PTK2: variants seen among roughly 807,000 people sequenced by gnomAD.
The protein encoded by PTK2 is protein tyrosine kinase 2.
A neutral mutation model predicts 150.1 loss-of-function variants in PTK2; 45 were observed. The observed-to-expected ratio is 0.30, with a 90% CI of 0.24 to 0.38. PTK2 has a LOEUF of 0.38. Ranked by LOEUF, PTK2 falls within the 10% of genes least tolerant of loss-of-function variation. PTK2 has a pLI of 1.00. For synonymous variants in PTK2, 432 were observed against 449.2 expected (o/e 0.96, Z 0.48); for missense variants, 919 against 1,307.3 (o/e 0.70, Z 4.58).
intron 21 of PTK2, among the ~76,000 whole-genome samples, chr8:140,736,857 A>G (rs2100052879): frequency 6.6e-6 from 1 of 152,210 alleles, no homozygotes; most frequent in East Asian, 1.9e-4. Flanking sequence ...TGTACAATTG[A>G]TGACTTGAAG....
chr8:140,759,506 TGGTGACAG>T (rs2100067969), intron 16 of PTK2, among the ~76,000 whole-genome samples: 1 of 130,128 alleles, frequency 7.7e-6, no homozygotes, highest in Non-Finnish European at 1.5e-5. Context: ...TGTACTCCCT[TGGTGACAG>T]AGTAAGACCC....
At chr8:140,941,057 A>G (rs1312989865) in intron 1 of PTK2, among the ~76,000 whole-genome samples, 1 of 152,210 alleles carries the variant, frequency 6.6e-6, no homozygotes, top group East Asian at 1.9e-4. Context: ...AATGAACACA[A>G]TATGAACAGC....
At chr8:140,837,916 G>A (rs1009502163) in intron 7 of PTK2, among the ~76,000 whole-genome samples, 4 of 151,980 alleles carry the variant, frequency 2.6e-5, no homozygotes, top group African/African-American at 9.7e-5. Flanking sequence ...AAAAAAATTA[G>A]CCGGGCACAG....
chr8:140,903,355 T>C (rs1471666002), intron 2 of PTK2, among the ~76,000 whole-genome samples: 3 of 152,114 alleles, frequency 2.0e-5, no homozygotes, highest in Admixed American at 6.6e-5. Context: ...TTGGTACCAG[T>C]ACCATAATAT....
rs997814926 is a variant in PTK2 at position 140,684,585 on chromosome 8, C to T, written c.2562+2047G>A. Reference sequence around the variant, plus strand: ...ACACCAACAACATCCAGTTGAGTGCCGAATCAAGAATGCAATCCCATTTAC... The same window carrying T: ...ACACCAACAACATCCAGTTGAGTGCTGAATCAAGAATGCAATCCCATTTAC... On this transcript the variant is annotated intron_variant, in intron 27 of 31. Transcript: ENST00000522684. 5.3e-5 allele frequency among the ~76,000 whole-genome samples: 8 copies of T among 152,256 alleles called. No individual in the cohort carries two copies. The South Asian group carries it at 6.2e-4, about 12-fold the overall frequency.
chr8:140,800,552 G>C lies in PTK2; in HGVS notation c.1000C>G (p.Leu334Val), dbSNP rs1171090967. The C allele has an allele frequency of 2.5e-6, 4 of 1,613,698 alleles. No individual in the cohort carries two copies. The African/African-American group carries it at 4.0e-5, about 16-fold the overall frequency. The change falls in exon 12 of 32, where the codon CTA becomes GTA. Residue 334 changes from leucine (L) to valine (V), a missense_variant. Leu to Val is a conservative substitution (Grantham distance 32, BLOSUM62 1). Coordinates refer to ENST00000522684, the Ensembl canonical transcript of PTK2. ...TCAGCCATATTCTCCGCAATGGTTAGGGATGGTGCCGTCACTGTCAGAGGC... is the reference window on the plus strand; with the variant it reads ...TCAGCCATATTCTCCGCAATGGTTACGGATGGTGCCGTCACTGTCAGAGGC...
chr8:140,753,554 C>CA (rs1336004688), intron 16 of PTK2, among the ~76,000 whole-genome samples: 8 of 152,108 alleles, frequency 5.3e-5, no homozygotes, highest in Non-Finnish European at 8.8e-5. Context: ...TGAAGCTCTC[C>CA]AACATGAAGA....
At chr8:140,920,498 C>T (rs2100166995) in intron 2 of PTK2, among the ~76,000 whole-genome samples, 1 of 151,870 alleles carries the variant, frequency 6.6e-6, no homozygotes, top group Non-Finnish European at 1.5e-5. Flanking sequence ...CTCTTTATTC[C>T]TTAAAAACTT....
chr8:140,927,028 C>G (rs1003146611), intron 1 of PTK2, among the ~76,000 whole-genome samples: 1 of 152,250 alleles, frequency 6.6e-6, no homozygotes, highest in South Asian at 2.1e-4. Flanking sequence ...TTCTTAAAGG[C>G]TCCTGAAATC....
chr8:140,921,542 GATCT>G (rs1187452379), intron 2 of PTK2, among the ~76,000 whole-genome samples: 4 of 152,070 alleles, frequency 2.6e-5, no homozygotes, highest in Non-Finnish European at 1.5e-5. Flanking sequence ...AAAAATTCCT[GATCT>G]ATCTATGTCT....
At chr8:140,974,994 T>G (rs1018084637) in intron 1 of PTK2, among the ~76,000 whole-genome samples, 1 of 152,230 alleles carries the variant, frequency 6.6e-6, no homozygotes, top group African/African-American at 2.4e-5. Flanking sequence ...TAGTCACGCC[T>G]GTAGATGAAC....
intron 14 of PTK2, among the ~76,000 whole-genome samples, chr8:140,767,132 A>C (rs915444717): frequency 6.6e-6 from 1 of 152,222 alleles, no homozygotes; most frequent in African/African-American, 2.4e-5. Context: ...CCAACCTCTA[A>C]AATAATTGTG....
At chr8:140,830,912 A>T (rs1448491691) in intron 7 of PTK2, among the ~76,000 whole-genome samples, 1 of 152,156 alleles carries the variant, frequency 6.6e-6, no homozygotes, top group East Asian at 1.9e-4. Flanking sequence ...ATTTGTAGAG[A>T]AAATAGCTAG....
chr8:140,745,580 A>T (rs528086091), intron 18 of PTK2, among the ~76,000 whole-genome samples: 3 of 152,334 alleles, frequency 2.0e-5, no homozygotes, highest in African/African-American at 7.2e-5. Flanking sequence ...CCAGTGTTTG[A>T]TTCAGCAGGC....
At chr8:140,913,196 T>C (rs1449056348) in intron 2 of PTK2, among the ~76,000 whole-genome samples, 1 of 152,080 alleles carries the variant, frequency 6.6e-6, no homozygotes, top group Non-Finnish European at 1.5e-5. Context: ...TTTTCTATAC[T>C]CAGATCACCA....
intron 10 of PTK2, among the ~76,000 whole-genome samples, chr8:140,817,727 A>T (rs2100105609): frequency 6.6e-6 from 1 of 152,184 alleles, no homozygotes; most frequent in Admixed American, 6.5e-5. Context: ...GGTTCTCAAT[A>T]ATACTTGTTG....
At chr8:140,732,725 C>T (rs550992179) in intron 22 of PTK2, 8 of 351,712 alleles carry the variant, frequency 2.3e-5, no homozygotes, top group African/African-American at 6.8e-5. Flanking sequence ...CAGTGTTTAT[C>T]GAACTGAATT....
chr8:140,676,523 A>G (rs1287061030), intron 27 of PTK2, among the ~76,000 whole-genome samples: 10 of 151,024 alleles, frequency 6.6e-5, no homozygotes, highest in African/African-American at 2.4e-4. Flanking sequence ...GCATGTTCTC[A>G]TAAGTTGGAG....
intron 7 of PTK2, among the ~76,000 whole-genome samples, chr8:140,833,672 G>A (rs947637240): frequency 5.9e-5 from 9 of 152,098 alleles, no homozygotes; most frequent in Non-Finnish European, 8.8e-5. Context: ...TCCTGTATGC[G>A]AATAAAACAA....
Sources: allele counts gnomAD v4.1 joint callset (sites outside exome capture counted in the v4.1 genomes callset), GRCh38; gene constraint gnomAD v4.1.1; transcripts MANE v1.5; gene names NCBI Gene and HGNC (gene_info 2026-07-23, HGNC 2026-07-21).